FBXL17: variants seen among roughly 807,000 people sequenced by gnomAD.
The protein encoded by FBXL17 is F-box and leucine rich repeat protein 17, also known as F-box/LRR-repeat protein 17.
FBXL17 carries 22 observed loss-of-function variants against 66.2 expected under a neutral mutation model. The ratio of observed to expected loss-of-function variants is 0.33; its 90% CI spans 0.24 to 0.47. The LOEUF (loss-of-function observed/expected upper bound fraction) is 0.47. FBXL17 is among the 20% of genes least tolerant of loss of function. The pLI is 1.00. For synonymous variants in FBXL17, 474 were observed against 400.5 expected (o/e 1.18, Z -2.19); for missense variants, 878 against 948.2 (o/e 0.93, Z 0.97).
intron 4 of FBXL17, among the ~76,000 whole-genome samples, chr5:108,337,708 T>TAA (rs70996991): frequency 0.011 from 1,507 of 142,314 alleles, 12 homozygotes; most frequent in South Asian, 0.022. Context: ...GTACAAAAAG[T>TAA]AAAAAAAAAA....
intron 6 of FBXL17, among the ~76,000 whole-genome samples, chr5:108,137,949 A>C (rs1255806567): frequency 6.6e-6 from 1 of 152,146 alleles, no homozygotes; most frequent in African/African-American, 2.4e-5. Flanking sequence ...TATTAAAACT[A>C]TTTGTAGCTG....
At chr5:108,188,560 G>T (rs190568486) in intron 5 of FBXL17, among the ~76,000 whole-genome samples, 1 of 152,168 alleles carries the variant, frequency 6.6e-6, no homozygotes, top group Non-Finnish European at 1.5e-5. Context: ...CAGGTTAAGG[G>T]TTTTAGCAAC....
chr5:108,272,518 T>C (rs889588449), intron 4 of FBXL17, among the ~76,000 whole-genome samples: 9 of 151,848 alleles, frequency 5.9e-5, no homozygotes, highest in African/African-American at 2.2e-4. Context: ...CATGCCTGGC[T>C]AAAATTTTAT....
chr5:107,919,548 G>T (rs934017942), intron 7 of FBXL17, among the ~76,000 whole-genome samples: 1 of 152,078 alleles, frequency 6.6e-6, no homozygotes, highest in African/African-American at 2.4e-5. Context: ...TTTACCTCCA[G>T]ATCTCAACTC....
chr5:107,988,004 T>C (rs1753088099), intron 7 of FBXL17, among the ~76,000 whole-genome samples: 2 of 152,176 alleles, frequency 1.3e-5, no homozygotes, highest in East Asian at 1.9e-4. Context: ...TTTATTTTTA[T>C]ACAGATATGT....
chr5:108,007,823 A>G (rs1347064757), intron 7 of FBXL17, among the ~76,000 whole-genome samples: 3 of 152,144 alleles, frequency 2.0e-5, no homozygotes, highest in Admixed American at 1.3e-4. Flanking sequence ...CTTTCCACAT[A>G]ATGTAGAGTA....
chr5:108,352,935 G>C (rs935778867), intron 3 of FBXL17, among the ~76,000 whole-genome samples: 5 of 152,186 alleles, frequency 3.3e-5, no homozygotes, highest in Non-Finnish European at 7.3e-5. Flanking sequence ...ACACCAAAAA[G>C]ATGGTACCTT....
At chr5:108,114,192 G>A (rs560663580) in intron 6 of FBXL17, among the ~76,000 whole-genome samples, 23 of 152,002 alleles carry the variant, frequency 1.5e-4, no homozygotes, top group Non-Finnish European at 2.8e-4. Context: ...TCCATTGTAC[G>A]AACATAACAT....
In FBXL17 at chr5:107,992,088, T is replaced by TTGTG. The variant is rs3039988; in HGVS notation, c.1822+28833_1822+28836dup. On this transcript the variant is annotated intron_variant, in intron 7 of 8. Transcript: ENST00000542267. Reference sequence around the variant, plus strand: ...TACATGCACACACATATCATATTAATTGTGTGTGTGTGTGTGTGTGTGTGT... The same window carrying TTGTG: ...TACATGCACACACATATCATATTAATTGTGTGTGTGTGTGTGTGTGTGTGTGTGT... Among the ~76,000 whole-genome samples, 696 of 149,234 alleles carry TTGTG rather than the reference T, an allele frequency of 4.7e-3. 5 individuals are homozygous for TTGTG. Among genetic ancestry groups the TTGTG allele is most frequent in the Admixed American group, 9.6e-3 (143 of 14,868 alleles).
intron 6 of FBXL17, among the ~76,000 whole-genome samples, chr5:108,048,379 G>A (rs897109311): frequency 6.6e-6 from 1 of 152,136 alleles, no homozygotes; most frequent in African/African-American, 2.4e-5. Flanking sequence ...GAAAACCCAA[G>A]AGGCCAGAGT....
intron 4 of FBXL17, 81 bp from the exon 5 acceptor site, chr5:108,224,309 C>A: frequency 3.1e-6 from 2 of 648,990 alleles, no homozygotes; most frequent in Non-Finnish European, 5.5e-6. Flanking sequence ...ATCCTCTCAG[C>A]CCCACCTTGC....
At chr5:108,351,094 T>G (rs1445505355) in intron 3 of FBXL17, among the ~76,000 whole-genome samples, 1 of 152,178 alleles carries the variant, frequency 6.6e-6, no homozygotes, top group Non-Finnish European at 1.5e-5. Flanking sequence ...AGCTTTGGTC[T>G]TCATTAGTGT....
At chr5:108,376,132 C>G (rs777266044) in intron 1 of FBXL17, among the ~76,000 whole-genome samples, 77 of 152,164 alleles carry the variant, frequency 5.1e-4, no homozygotes, top group Middle Eastern at 3.2e-3. Context: ...CTTCCTCAAC[C>G]TGAGAAAGAG....
At chr5:108,097,724 A>T (rs6864731) in intron 6 of FBXL17, among the ~76,000 whole-genome samples, 23,607 of 151,300 alleles carry the variant, frequency 0.16, 1,930 homozygotes, top group Admixed American at 0.17. Context: ...GGGAGGCGGA[A>T]GCTGCAGTGA....
At chr5:108,032,339 T>C (rs1696979836) in intron 6 of FBXL17, among the ~76,000 whole-genome samples, 1 of 152,232 alleles carries the variant, frequency 6.6e-6, no homozygotes, top group East Asian at 1.9e-4. Flanking sequence ...GGCCCTAGCA[T>C]GGAACCTGGC....
intron 4 of FBXL17, among the ~76,000 whole-genome samples, chr5:108,259,290 G>A (rs1268694090): frequency 1.3e-5 from 2 of 152,068 alleles, no homozygotes; most frequent in Admixed American, 6.6e-5. Context: ...ATGGTTTTGT[G>A]GAAATCTTTG....
chr5:108,356,005 C>T (rs1202247044), intron 3 of FBXL17, among the ~76,000 whole-genome samples: 1 of 151,932 alleles, frequency 6.6e-6, no homozygotes, highest in African/African-American at 2.4e-5. Flanking sequence ...TTTAAATAGA[C>T]AGAAATATAT....
intron 4 of FBXL17, among the ~76,000 whole-genome samples, chr5:108,323,967 T>C (rs1435043780): frequency 6.6e-6 from 1 of 151,968 alleles, no homozygotes; most frequent in Non-Finnish European, 1.5e-5. Context: ...AACATATGAA[T>C]TAAAACTATA....
chr5:108,038,640 A>T (rs1746937111), intron 6 of FBXL17, among the ~76,000 whole-genome samples: 1 of 152,102 alleles, frequency 6.6e-6, no homozygotes, highest in South Asian at 2.1e-4. Flanking sequence ...ATTGAATGTT[A>T]TATTATAATG....
Sources: gnomAD v4.1 joint callset for allele counts (sites outside exome capture counted in the v4.1 genomes callset) on GRCh38, gnomAD v4.1.1 for gene constraint, MANE v1.5 for transcripts, NCBI Gene and HGNC (gene_info 2026-07-23, HGNC 2026-07-21) for gene names.